The following TLE4 variants were observed in gnomAD, a reference collection of about 807,000 sequenced individuals.
The protein encoded by TLE4 is TLE family member 4, transcriptional corepressor.
TLE4 carries 8 observed loss-of-function variants against 92.8 expected under a neutral mutation model. The ratio of observed to expected loss-of-function variants is 0.09; its 90% CI spans 0.05 to 0.16. TLE4 has a LOEUF of 0.16. TLE4 is among the 10% of genes least tolerant of loss of function. TLE4 has a pLI of 1.00. For missense variants in TLE4, 675 were observed against 997.6 expected, an observed-to-expected ratio of 0.68 and a Z score of 4.36; for synonymous variants, 371 against 374.1, an observed-to-expected ratio of 0.99 and a Z score of 0.10.
chr9:79,722,678 C>A, intron 18 of TLE4, 77 bp downstream of exon 18: 1 of 1,546,818 alleles, frequency 6.5e-7, no homozygotes. Context: ...ATTTCCAAGT[C>A]GAATCCTTGA....
chr9:79,682,142 A>C (rs2064830620), intron 8 of TLE4, among the ~76,000 whole-genome samples: 1 of 152,146 alleles, frequency 6.6e-6, no homozygotes, highest in African/African-American at 2.4e-5. Flanking sequence ...TAAAAGAGAA[A>C]ATAAATATAC....
intron 6 of TLE4, among the ~76,000 whole-genome samples, chr9:79,628,612 G>T (rs1043536926): frequency 6.6e-6 from 1 of 151,578 alleles, no homozygotes; most frequent in East Asian, 1.9e-4. Flanking sequence ...AAAAAAACCT[G>T]GTAGGAAATT....
chr9:79,642,161 C>G (rs147914841), intron 6 of TLE4, among the ~76,000 whole-genome samples: 1 of 151,498 alleles, frequency 6.6e-6, no homozygotes, highest in Admixed American at 6.6e-5. Context: ...CCACCTCTGA[C>G]GTTCTAAGAT....
chr9:79,663,102 C>T (rs2060810131), intron 8 of TLE4, among the ~76,000 whole-genome samples: 1 of 152,082 alleles, frequency 6.6e-6, no homozygotes, highest in Non-Finnish European at 1.5e-5. Context: ...TAGTCTTGTT[C>T]CCTCAGCCTT....
chr9:79,572,271 A>C lies in TLE4; in HGVS notation c.-520A>C, dbSNP rs2036029400. 6.6e-6 allele frequency: 1 copy of C among 152,216 alleles called. No homozygotes were observed. The highest frequency in any genetic ancestry group is 2.1e-4 in the South Asian group (1 of 4,826). 9.4% of individuals were successfully genotyped at this position (152,216 alleles called of 1,614,324 possible). A position where few individuals can be genotyped will look rare whatever the true frequency, so the allele number is the denominator to read the frequency against. ...GTGAAAAAAATCTCCAGAGAAACCA[A>C]AAAGCACCGCCGAGACCTCTTCCGA... On this transcript the variant is annotated 5_prime_UTR_variant, in exon 1 of 20. Coordinates refer to ENST00000376552, the MANE Select transcript of TLE4 (RefSeq NM_007005.6).
intron 13 of TLE4, 99 bp from the exon 14 acceptor site, chr9:79,709,524 G>A: frequency 2.1e-6 from 2 of 949,356 alleles, no homozygotes; most frequent in Non-Finnish European, 3.2e-6. Flanking sequence ...TATTTTTAAA[G>A]GATCTATTCT....
intron 4 of TLE4, among the ~76,000 whole-genome samples, chr9:79,598,647 A>G (rs932000109): frequency 3.3e-5 from 5 of 152,298 alleles, no homozygotes; most frequent in Non-Finnish European, 2.9e-5. Context: ...TTTTCAGACT[A>G]TAATGCAGTA....
intron 8 of TLE4, among the ~76,000 whole-genome samples, chr9:79,701,376 G>A (rs1256220100): frequency 3.9e-5 from 6 of 152,084 alleles, no homozygotes. Context: ...AAAATATAAA[G>A]TATTTGGTTG....
intron 8 of TLE4, chr9:79,704,518 C>G: frequency 4.4e-6 from 2 of 457,554 alleles, no homozygotes; most frequent in Non-Finnish European, 3.9e-6. Context: ...TTTATTTCCT[C>G]TCCTCCCTCT....
intron 17 of TLE4, among the ~76,000 whole-genome samples, 173 bp from the exon 18 acceptor site, chr9:79,722,278 T>C (rs2075775816): frequency 6.6e-6 from 1 of 152,258 alleles, no homozygotes; most frequent in South Asian, 2.1e-4. Context: ...TTAACCACTT[T>C]GAAGTCTCAT....
intron 4 of TLE4, among the ~76,000 whole-genome samples, chr9:79,607,107 G>A (rs1261013350): frequency 2.0e-5 from 3 of 152,094 alleles, no homozygotes; most frequent in South Asian, 2.1e-4. Context: ...GTTTTGATTT[G>A]CATTTCTCTG....
rs748102823 is a variant in TLE4, at chr9:79,649,883, TTTG to T, written c.391-2692_391-2690del. Reference sequence around the variant, plus strand: ...GGTATTGGGCTTTGGCTGAGGGCTTTTTGTTGTTGTTGTTGTTGTTTTTTTGTT... The same window carrying T: ...GGTATTGGGCTTTGGCTGAGGGCTTTTTGTTGTTGTTGTTGTTTTTTTGTT... On this transcript the variant is annotated intron_variant, in intron 6 of 19. Transcript: ENST00000376552. The T allele has an allele frequency of 7.6e-5, 102 of 1,345,742 alleles. No homozygotes were observed. In the Middle Eastern group the frequency reaches 1.5e-3, roughly 20 times the overall value. The allele number at this position is 1,345,742 out of a possible 1,614,324, so 83.4% of individuals were successfully genotyped here. A position where few individuals can be genotyped will look rare whatever the true frequency, so the allele number is the denominator to read the frequency against.
intron 11 of TLE4, among the ~76,000 whole-genome samples, chr9:79,707,426 G>T (rs943563540): frequency 2.0e-5 from 3 of 152,160 alleles, no homozygotes; most frequent in African/African-American, 7.2e-5. Flanking sequence ...TTCTTCTGTG[G>T]CTGTGTAGTT....
chr9:79,642,481 C>T (rs1017195267), intron 6 of TLE4, among the ~76,000 whole-genome samples: 2 of 151,924 alleles, frequency 1.3e-5, no homozygotes, highest in Non-Finnish European at 2.9e-5. Flanking sequence ...TTTCTGAGTA[C>T]ATTCCCTTAG....
chr9:79,681,519 T>G (rs1395629538), intron 8 of TLE4, among the ~76,000 whole-genome samples: 1 of 152,056 alleles, frequency 6.6e-6, no homozygotes, highest in Non-Finnish European at 1.5e-5. Context: ...AGTTGAAAGA[T>G]CTCTAGCTTT....
At chr9:79,582,106 C>T (rs2039835082) in intron 4 of TLE4, among the ~76,000 whole-genome samples, 1 of 152,128 alleles carries the variant, frequency 6.6e-6, no homozygotes, top group Non-Finnish European at 1.5e-5. Context: ...GTTTGTTAAT[C>T]ACCATCTTGT....
rs746449665 is a variant in TLE4 at position 79,709,713 on chromosome 9, T to C, written c.1340+14T>C. ...AGGAGGAAAACCGTGAGTACCTTTT[T>C]GCCTCTGTGCTCATTGTGTGTCAAA... is the stretch of plus-strand genomic sequence containing the variant. On this transcript the variant is annotated intron_variant, in intron 14 of 19. Coordinates refer to ENST00000376552, the MANE Select transcript of TLE4 (RefSeq NM_007005.6). The C allele has an allele frequency of 3.7e-6, 6 of 1,613,466 alleles. No individual in the cohort carries two copies. The East Asian group carries it at 1.1e-4, about 30-fold the overall frequency.
chr9:79,684,993 A>G (rs1167299916), intron 8 of TLE4, among the ~76,000 whole-genome samples: 2 of 152,172 alleles, frequency 1.3e-5, no homozygotes, highest in African/African-American at 4.8e-5. Context: ...CACATGCGTC[A>G]TGGTTGGGCC....
intron 8 of TLE4, among the ~76,000 whole-genome samples, chr9:79,660,580 A>G (rs954723704): frequency 6.6e-6 from 1 of 152,186 alleles, no homozygotes; most frequent in Admixed American, 6.5e-5. Flanking sequence ...ACTTTTAGGT[A>G]TTTATTTCTA....
Sources: gnomAD v4.1 joint callset for allele counts (sites outside exome capture counted in the v4.1 genomes callset) on GRCh38, gnomAD v4.1.1 for gene constraint, MANE v1.5 for transcripts, NCBI Gene and HGNC (gene_info 2026-07-23, HGNC 2026-07-21) for gene names.